The following RPTOR variants were observed in gnomAD, a reference collection of about 807,000 sequenced individuals.
RPTOR encodes the protein regulatory-associated protein of mTOR.
RPTOR carries 21 observed loss-of-function variants against 169.9 expected under a neutral mutation model. That is an observed-to-expected ratio of 0.12 (90% CI 0.09 to 0.18). The LOEUF (loss-of-function observed/expected upper bound fraction) is 0.18. Ranked by LOEUF, RPTOR falls within the 10% of genes least tolerant of loss-of-function variation. The probability of loss-of-function intolerance (pLI) is 1.00; values close to 1 mark genes in which losing one functional copy is unlikely to be tolerated. For synonymous variants in RPTOR, 732 were observed against 753.2 expected (o/e 0.97, Z 0.46); for missense variants, 1,133 against 1,855.9 (o/e 0.61, Z 7.16).
intron 1 of RPTOR, among the ~76,000 whole-genome samples, chr17:80,558,261 A>AGT (rs1757101624): frequency 6.6e-6 from 1 of 152,198 alleles, no homozygotes; most frequent in Non-Finnish European, 1.5e-5. Context: ...TGATGGTGTC[A>AGT]CTGCCCTCCA....
rs1419731489 is a variant in RPTOR at position 80,707,468 on chromosome 17, T to C, written c.349-373T>C. On this transcript the variant is annotated intron_variant, in intron 3 of 33. Transcript: ENST00000306801. This position sits in a 1 kb window ranked among gnomAD's most constrained non-coding sequence, Gnocchi z 5.0. Reference sequence around the variant, plus strand: ...AGGCTGGAGTACAGTGTTGTGATCATGGTTCACTGCAACCTCAACCTCCTG... The same window carrying C: ...AGGCTGGAGTACAGTGTTGTGATCACGGTTCACTGCAACCTCAACCTCCTG... 2.6e-5 allele frequency among the ~76,000 whole-genome samples: 4 copies of C among 152,212 alleles called. No homozygotes were observed. The highest frequency in any genetic ancestry group is 5.9e-5 in the Non-Finnish European group (4 of 68,034).
rs2066284062 is a variant in RPTOR, at chr17:80,721,297, A to C, written c.508-9263A>C. Among the ~76,000 whole-genome samples the C allele has an allele frequency of 6.6e-6, 1 of 151,380 alleles. No individual in the cohort carries two copies. The highest frequency in any genetic ancestry group is 2.5e-5 in the African/African-American group (1 of 40,660). On this transcript the variant is annotated intron_variant, in intron 4 of 33. Transcript: ENST00000306801. This position sits in a 1 kb window ranked among gnomAD's most constrained non-coding sequence, Gnocchi z 4.7. ...AGGCAGCACTGTGGAAACTGTTCTC[A>C]CGACTGTGAGTCATTGAGGCTCCTG...
At chr17:80,905,328 G>A (rs61124969) in intron 20 of RPTOR, among the ~76,000 whole-genome samples, 35,626 of 151,776 alleles carry the variant, frequency 0.23, 5,236 homozygotes, top group East Asian at 0.45. Flanking sequence ...GGCGCATGCC[G>A]GTAATCCCAG....
At chr17:80,917,393 C>T (rs1455114297) in intron 21 of RPTOR, among the ~76,000 whole-genome samples, 3 of 152,136 alleles carry the variant, frequency 2.0e-5, no homozygotes, top group African/African-American at 7.2e-5. Context: ...GGATTACAGG[C>T]GTGAGCCACT....
rs545783807 is a variant in RPTOR, at chr17:80,902,804, G to A, written c.2402-6007G>A. On this transcript the variant is annotated intron_variant, in intron 20 of 33. Transcript: ENST00000306801. ...CGTCCAGCCCCAGCTCCCAGCTAGA[G>A]TGCAGTCCCATGGGGGACCACGCTG... Among the ~76,000 whole-genome samples, 9 of 152,370 alleles carry A rather than the reference G, an allele frequency of 5.9e-5. No individual in the cohort carries two copies. In the South Asian group the frequency reaches 1.9e-3, roughly 32 times the overall value.
At chr17:80,743,313 A>G (rs2066503352) in intron 5 of RPTOR, 4 of 985,598 alleles carry the variant, frequency 4.1e-6, no homozygotes, top group Non-Finnish European at 4.8e-6. Context: ...GGCAGGGGGC[A>G]GGGCGCTCTT....
At chr17:80,581,275 C>T (rs983043319) in intron 1 of RPTOR, among the ~76,000 whole-genome samples, 1 of 152,254 alleles carries the variant, frequency 6.6e-6, no homozygotes, top group African/African-American at 2.4e-5. Context: ...TGCTCCCTTC[C>T]TCCCTTGCTT....
chr17:80,619,215 T>C (rs1055105384), intron 1 of RPTOR, among the ~76,000 whole-genome samples: 1 of 152,136 alleles, frequency 6.6e-6, no homozygotes, highest in Non-Finnish European at 1.5e-5. Context: ...TTTCCACAAC[T>C]CTCAGTTGTT....
At chr17:80,850,426 A>G (rs1468811037) in intron 11 of RPTOR, among the ~76,000 whole-genome samples, 1 of 152,228 alleles carries the variant, frequency 6.6e-6, no homozygotes, top group Non-Finnish European at 1.5e-5. Flanking sequence ...TCCATGATGC[A>G]CAGACGCTGC....
intron 2 of RPTOR, among the ~76,000 whole-genome samples, chr17:80,638,103 C>G (rs2065522231): frequency 6.6e-6 from 1 of 152,244 alleles, no homozygotes; most frequent in African/African-American, 2.4e-5. Context: ...TGCAGTAGAA[C>G]AGAGACCAAT....
chr17:80,825,044 GGCCA>G, intron 9 of RPTOR, among the ~76,000 whole-genome samples: 3 of 150,778 alleles, frequency 2.0e-5, no homozygotes, highest in African/African-American at 7.3e-5. Context: ...CGCGTGGCGA[GGCCA>G]GTATGGGGCA....
In RPTOR at chr17:80,860,837, TG is replaced by T. The variant is rs2067909990; in HGVS notation, c.1509+2939del. Among the ~76,000 whole-genome samples the T allele has an allele frequency of 6.6e-6, 1 of 152,084 alleles. No homozygotes were observed. The highest frequency in any genetic ancestry group is 1.5e-5 in the Non-Finnish European group (1 of 68,030). On this transcript the variant is annotated intron_variant, in intron 13 of 33. Coordinates refer to ENST00000306801, the MANE Select transcript of RPTOR (RefSeq NM_020761.3). The surrounding 1 kb of genome is among the most constrained non-coding windows in gnomAD (Gnocchi z 5.8). ...TTTTCTGGGCCTGGGGCACTGACCA[TG>T]GCTCTGCTGGCACGGGTCGGCTACC...
Position 80,960,179 on chromosome 17 carries a change from C to T in RPTOR, c.3579C>T (p.Tyr1193=), listed in dbSNP as rs759222596. The change falls in exon 30 of 34, where the codon TAC becomes TAT. Residue 1193 remains tyrosine (Y), a synonymous_variant. Transcript: ENST00000306801. The surrounding 1 kb of genome is among the most constrained non-coding windows in gnomAD (Gnocchi z 4.8). ...TCGGTGACGGCTCCATCCGCGTCTA[C>T]GACAGAAGGATGGCACTCAGCGAAT... is the stretch of plus-strand genomic sequence containing the variant. ...AGLGDGSIRV[Y]DRRMALSECR... The T allele has an allele frequency of 8.1e-6, 13 of 1,613,554 alleles. No homozygotes were observed. The highest frequency in any genetic ancestry group is 9.3e-6 in the Non-Finnish European group (11 of 1,180,002).
chr17:80,937,389 C>T (rs61672681), intron 24 of RPTOR, among the ~76,000 whole-genome samples: 2,913 of 152,256 alleles, frequency 0.019, 103 homozygotes, highest in African/African-American at 0.067. Flanking sequence ...CCAAAACTGC[C>T]CCAAACTGCT....
chr17:80,786,174 G>A (rs2066989732), intron 6 of RPTOR, among the ~76,000 whole-genome samples: 1 of 152,234 alleles, frequency 6.6e-6, no homozygotes, highest in Non-Finnish European at 1.5e-5. Flanking sequence ...ACACATGTCT[G>A]TATGATTTGG....
chr17:80,694,887 G>A (rs55668592), intron 3 of RPTOR, among the ~76,000 whole-genome samples: 8,028 of 152,226 alleles, frequency 0.053, 266 homozygotes, highest in Non-Finnish European at 0.078. Flanking sequence ...CTCATGGCCT[G>A]TTAGTGTGTG....
Position 80,893,823 on chromosome 17 carries a change from A to G in RPTOR, c.2359A>G (p.Met787Val). The change falls in exon 20 of 34, where the codon ATG becomes GTG. Residue 787 changes from methionine (M) to valine (V), a missense_variant. Transcript: ENST00000306801. ...HILSFETIDK[M>V]RRASSYSSLN... ...CCTGTCCTTCGAGACCATCGACAAGATGCGCCGCGCCAGCTCCTACTCCTC... is the reference window on the plus strand; with the variant it reads ...CCTGTCCTTCGAGACCATCGACAAGGTGCGCCGCGCCAGCTCCTACTCCTC... 1.3e-6 allele frequency: 2 copies of G among 1,539,888 alleles called. No homozygotes were observed. Among genetic ancestry groups the G allele is most frequent in the Non-Finnish European group, 1.8e-6 (2 of 1,139,506 alleles).
intron 10 of RPTOR, among the ~76,000 whole-genome samples, chr17:80,842,399 T>C (rs955671778): frequency 1.3e-5 from 2 of 152,190 alleles, no homozygotes; most frequent in African/African-American, 2.4e-5. Flanking sequence ...CTCCCCTTCC[T>C]GGCTGGCCTC....
chr17:80,834,361 C>T lies in RPTOR; in HGVS notation c.1137-3561C>T, dbSNP rs554844216. ...TCCTCTCATGTAGACAGCTCTGCCTCGAGTCCACAGCCCTGGGTAGCCGGA... is the reference window on the plus strand; with the variant it reads ...TCCTCTCATGTAGACAGCTCTGCCTTGAGTCCACAGCCCTGGGTAGCCGGA... On this transcript the variant is annotated intron_variant, in intron 9 of 33. Transcript: ENST00000306801. Among the ~76,000 whole-genome samples the T allele has an allele frequency of 4.2e-4, 64 of 152,242 alleles. 1 individual carries two copies. Among genetic ancestry groups the T allele is most frequent in the African/African-American group, 1.3e-3 (56 of 41,536 alleles).
Sources: allele counts gnomAD v4.1 joint callset (sites outside exome capture counted in the v4.1 genomes callset), GRCh38; gene constraint gnomAD v4.1.1; non-coding constraint Gnocchi (gnomAD v3.1); transcripts MANE v1.5; gene names NCBI Gene and HGNC (gene_info 2026-07-23, HGNC 2026-07-21).